Variants in DDHD2 observed in about 807,000 individuals in gnomAD.
DDHD2 encodes the protein DDHD domain containing 2.
DDHD2 carries 62 observed loss-of-function variants against 91.2 expected under a neutral mutation model. The observed-to-expected ratio is 0.68, with a 90% CI of 0.55 to 0.84. DDHD2 has a LOEUF of 0.84. Ranked by LOEUF, DDHD2 falls within the 40% of genes least tolerant of loss-of-function variation. DDHD2 has a pLI of 0.00. For missense variants in DDHD2, 740 were observed against 846.9 expected, an observed-to-expected ratio of 0.87 and a Z score of 1.57; for synonymous variants, 271 against 293.9, an observed-to-expected ratio of 0.92 and a Z score of 0.80.
At chr8:38,267,769 A>G (rs1807890447), downstream of DDHD2, 4 of 1,021,236 alleles carry the variant, frequency 3.9e-6, no homozygotes, top group Admixed American at 8.9e-5. Context: ...TTGAATGACA[A>G]AAGAAAAATC....
chr8:38,251,740 G>C (rs1048755732), intron 11 of DDHD2, 172 bp from the exon 12 acceptor site: 1 of 568,330 alleles, frequency 1.8e-6, no homozygotes, highest in Admixed American at 3.1e-5. Context: ...TTACTATATA[G>C]TAGCTCCCCA....
downstream of DDHD2, chr8:38,264,608 A>T: frequency 1.1e-5 from 18 of 1,587,186 alleles, no homozygotes; most frequent in Non-Finnish European, 1.5e-5. Context: ...AGTACATCTG[A>T]AGAGAGTGGA....
At chr8:38,268,925 T>C in intron 1 of DDHD2, 1 of 1,557,364 alleles carries the variant, frequency 6.4e-7, no homozygotes, top group Non-Finnish European at 8.6e-7. Flanking sequence ...CACGTAGGGG[T>C]TCCGGTAGAG....
intron 17 of DDHD2, 97 bp downstream of exon 17, chr8:38,260,244 G>A: frequency 1.6e-6 from 1 of 623,020 alleles, no homozygotes. Context: ...TATACTAGCT[G>A]TTGCCTGTCA....
At chr8:38,255,541 CTA>C (rs1286958677) in intron 16 of DDHD2, among the ~76,000 whole-genome samples, 13 of 152,152 alleles carry the variant, frequency 8.5e-5, no homozygotes, top group South Asian at 2.1e-4. Flanking sequence ...TTCCAGCCAT[CTA>C]TTTTATGCCT....
intron 11 of DDHD2, chr8:38,250,248 T>A (rs1806009165): frequency 7.5e-6 from 1 of 133,522 alleles, no homozygotes; most frequent in East Asian, 2.2e-4. Flanking sequence ...TTAAACACAT[T>A]TTCTTTTTTA....
Position 38,234,430 on chromosome 8 carries a change from G to A in DDHD2, c.257G>A (p.Gly86Glu). ...AATGGGAGAGTTGTTCCTACTGATG[G>A]GGGCAGATATGATGTTCATTTGGGG... ...GCNGRVVPTD[G>E]GRYDVHLGER... Residue 86 changes from glycine to glutamate, a missense_variant, in exon 3 of 18, where the codon GGG becomes GAG. By Grantham distance (98) the Gly-to-Glu change is moderately conservative. This residue lies in a region of DDHD2 where 693 missense variants were observed against 764.2 expected (regional missense o/e 0.91). Coordinates refer to ENST00000397166, the MANE Select transcript of DDHD2 (RefSeq NM_015214.3). The A allele has an allele frequency of 6.2e-7, 1 of 1,602,918 alleles. No individual in the cohort carries two copies. The highest frequency in any genetic ancestry group is 1.7e-4 in the Middle Eastern group (1 of 6,038).
Position 38,248,402 on chromosome 8 carries a change from C to T in DDHD2, c.1248+567C>T, listed in dbSNP as rs180691236. On this transcript the variant is annotated intron_variant, in intron 10 of 17. Transcript: ENST00000397166. ...TTTTTTTTTTTCCATTTTTGTCGTG[C>T]CTTTTTCTGGTTTGTGATACATTCA... 1.6e-3 allele frequency among the ~76,000 whole-genome samples: 233 copies of T among 148,732 alleles called. 2 individuals carry two copies. The highest frequency in any genetic ancestry group is 5.4e-3 in the African/African-American group (218 of 40,350).
downstream of DDHD2, chr8:38,264,686 C>T (rs1025301465): frequency 4.9e-6 from 7 of 1,437,076 alleles, no homozygotes; most frequent in African/African-American, 1.0e-4. Flanking sequence ...AGGACCTGGC[C>T]CTCCAGGATA....
At chr8:38,248,195 G>A (rs1166368895) in intron 10 of DDHD2, among the ~76,000 whole-genome samples, 2 of 151,970 alleles carry the variant, frequency 1.3e-5, no homozygotes, top group Non-Finnish European at 2.9e-5. Context: ...ACAGGTGCCC[G>A]CCACCACGCC....
At chr8:38,263,562 A>C (rs930914185), downstream of DDHD2, 5 of 985,404 alleles carry the variant, frequency 5.1e-6, no homozygotes, top group Non-Finnish European at 6.0e-6. Flanking sequence ...GTTTATGCCC[A>C]CGGTGTTCAA....
At position 38,245,757 on chromosome 8, in the gene DDHD2, A is replaced by C. The variant is rs148904419; in HGVS notation, c.864A>C (p.Ile288=). 727 of 1,614,114 alleles carry C rather than the reference A, an allele frequency of 4.5e-4. 1 individual carries two copies. The highest frequency in any genetic ancestry group is 2.6e-3 in the Middle Eastern group (16 of 6,062). Residue 288 remains isoleucine, a synonymous_variant, in exon 8 of 18, where the codon ATA becomes ATC. Coordinates refer to ENST00000397166, the MANE Select transcript of DDHD2 (RefSeq NM_015214.3). ...STGVDVDLQR[I]TLPSINRLRH... is the part of the protein sequence containing the mutation. Reference sequence around the variant, plus strand: ...CTTTTTTCAGAGATCTGCAGCGAATAACCCTGCCCAGCATTAACCGCCTCA... The same window carrying C: ...CTTTTTTCAGAGATCTGCAGCGAATCACCCTGCCCAGCATTAACCGCCTCA...
chr8:38,253,408 A>G, intron 15 of DDHD2, 148 bp from the exon 16 acceptor site: 1 of 799,558 alleles, frequency 1.3e-6, no homozygotes, highest in Non-Finnish European at 1.9e-6. Flanking sequence ...AGGAGCTTGA[A>G]GGAGATTGAG....
rs377293194 is a variant in DDHD2 at position 38,238,155 on chromosome 8, C to T, written c.568C>T (p.Arg190Ter). 11 of 1,613,946 alleles carry T rather than the reference C, an allele frequency of 6.8e-6. No individual in the cohort carries two copies. The Admixed American group carries it at 1.0e-4, about 15-fold the overall frequency. The change falls in exon 5 of 18, where the codon CGA becomes TGA. Residue 190 changes from arginine (R) to a stop codon, truncating the protein, a stop_gained. Transcript: ENST00000397166. LOFTEE classifies it high-confidence loss of function. ...GGGTTCAACACCCACGGAGCAGGGT[C>T]GACCAAGAACTGTGAAGAGAGGAGT... is the stretch of plus-strand genomic sequence containing the variant. The part of the protein sequence containing the change: ...DWGSTPTEQG[R>*]PRTVKRGVEN...
rs561416513 is a variant in DDHD2 at position 38,262,584 on chromosome 8, C to G, written c.*2011C>G. The G allele has an allele frequency of 3.3e-5, 5 of 152,258 alleles. No individual in the cohort carries two copies. The highest frequency in any genetic ancestry group is 1.2e-4 in the African/African-American group (5 of 41,554). The allele number at this position is 152,258 out of a possible 1,614,324, so 9.4% of individuals were successfully genotyped here. A position where few individuals can be genotyped will look rare whatever the true frequency, so the allele number is the denominator to read the frequency against. On this transcript the variant is annotated 3_prime_UTR_variant, in exon 18 of 18. Coordinates refer to ENST00000397166, the MANE Select transcript of DDHD2 (RefSeq NM_015214.3). ...TCTAGACCAACCCTATTTTTAAACT[C>G]TGGTACAGCATCATTTTGTACATAT...
At chr8:38,269,299 C>A in intron 1 of DDHD2, 1 of 1,202,262 alleles carries the variant, frequency 8.3e-7, no homozygotes. Context: ...GTTGCCCGCG[C>A]TCCGGCGGCT....
chr8:38,232,136 G>A (rs1804311608), intron 1 of DDHD2: 1 of 152,528 alleles, frequency 6.6e-6, no homozygotes, highest in South Asian at 2.1e-4. Flanking sequence ...GCGCGCCAGG[G>A]TGGCTGAGGT....
rs755852058 is a variant in DDHD2 at position 38,238,195 on chromosome 8, T to C, written c.608T>C (p.Val203Ala). 14 of 1,613,744 alleles carry C rather than the reference T, an allele frequency of 8.7e-6. No homozygotes were observed. The East Asian group carries it at 3.1e-4, about 36-fold the overall frequency. Residue 203 changes from valine to alanine, a missense_variant, in exon 5 of 18, where the codon GTT becomes GCT. Around this residue, in one of 2 missense-constraint regions of DDHD2, gnomAD observed 693 missense variants for 764.2 expected, o/e 0.91. Transcript: ENST00000397166. ...TVKRGVENIS[V>A]DIHCGEPLQI... ...AAGAGAGGAGTTGAGAACATCTCTGTTGACATTCATTGTGGTAATGTTAAT... is the reference window on the plus strand; with the variant it reads ...AAGAGAGGAGTTGAGAACATCTCTGCTGACATTCATTGTGGTAATGTTAAT...
chr8:38,247,738 A>G lies in DDHD2; in HGVS notation c.1151A>G (p.Gln384Arg), dbSNP rs758336439. 6.5e-7 allele frequency: 1 copy of G among 1,544,796 alleles called. No homozygotes were observed. Among genetic ancestry groups the G allele is most frequent in the Non-Finnish European group, 8.8e-7 (1 of 1,141,904 alleles). The change falls in exon 10 of 18, where the codon CAA (glutamine) becomes CGA (arginine). Residue 384 changes from glutamine to arginine, a missense_variant. This residue lies in a region of DDHD2 where 693 missense variants were observed against 764.2 expected (regional missense o/e 0.91). Coordinates refer to ENST00000397166, the MANE Select transcript of DDHD2 (RefSeq NM_015214.3). ...GATTCGCTAAATATTGTAATGGATC[A>G]AGGAGATACACCTACACTAGAGGAA... ...EKDSLNIVMD[Q>R]GDTPTLEEDL...
Sources: allele counts gnomAD v4.1 joint callset (sites outside exome capture counted in the v4.1 genomes callset), GRCh38; gene constraint gnomAD v4.1.1; regional missense constraint gnomAD v4.1.1; transcripts MANE v1.5; gene names NCBI Gene and HGNC (gene_info 2026-07-23, HGNC 2026-07-21).